Variants in CADPS observed in about 807,000 individuals in gnomAD.
The protein encoded by CADPS is calcium-dependent secretion activator 1.
Under a neutral mutation model 167.3 loss-of-function variants are expected in CADPS, and 57 were observed. The observed-to-expected ratio is 0.34, with a 90% confidence interval of 0.28 to 0.42. The LOEUF (loss-of-function observed/expected upper bound fraction) is 0.42, where lower values mean the gene tolerates loss of function less well. Among genes scored for constraint, CADPS ranks in the 20% least tolerant of loss-of-function variants. The pLI, the probability that CADPS is intolerant of heterozygous loss-of-function variation, is 1.00. For synonymous variants in CADPS, 676 were observed against 635.3 expected (o/e 1.06, Z -0.96); for missense variants, 1,414 against 1,738.1 (o/e 0.81, Z 3.32).
At chr3:62,829,896 C>T (rs181901375) in intron 1 of CADPS, among the ~76,000 whole-genome samples, 1 of 152,268 alleles carries the variant, frequency 6.6e-6, no homozygotes, top group East Asian at 1.9e-4. Flanking sequence ...TCCTACTTGA[C>T]TGTAACATTC....
intron 1 of CADPS, among the ~76,000 whole-genome samples, chr3:62,861,490 A>C (rs2080795679): frequency 6.6e-6 from 1 of 152,162 alleles, no homozygotes; most frequent in Non-Finnish European, 1.5e-5. Context: ...ATAGGCATTG[A>C]TTTTCTAAGA....
chr3:62,761,246 T>A (rs1194154910), intron 2 of CADPS, among the ~76,000 whole-genome samples: 1 of 152,156 alleles, frequency 6.6e-6, no homozygotes, highest in East Asian at 1.9e-4. Context: ...ATGATGATGA[T>A]GATGATTAGG....
chr3:62,830,179 TG>T (rs2074820620), intron 1 of CADPS, among the ~76,000 whole-genome samples: 1 of 152,210 alleles, frequency 6.6e-6, no homozygotes, highest in Admixed American at 6.5e-5. Context: ...GATGGAGGTC[TG>T]GCGCCTAGTG....
intron 3 of CADPS, among the ~76,000 whole-genome samples, chr3:62,730,198 C>T (rs778510376): frequency 5.9e-5 from 9 of 152,112 alleles, no homozygotes; most frequent in East Asian, 3.9e-4. Flanking sequence ...TCCTGACTGA[C>T]GTCACATTCC....
At chr3:62,483,202 A>C (rs1019726473) in intron 21 of CADPS, among the ~76,000 whole-genome samples, 1 of 151,494 alleles carries the variant, frequency 6.6e-6, no homozygotes, top group Admixed American at 6.6e-5. Flanking sequence ...CTTGCAGGAG[A>C]AGAGCAAGTT....
At chr3:62,506,540 C>T (rs571424453) in intron 17 of CADPS, among the ~76,000 whole-genome samples, 25 of 152,326 alleles carry the variant, frequency 1.6e-4, no homozygotes, top group Middle Eastern at 3.4e-3. Flanking sequence ...CTTTGTTCCT[C>T]GGGCTGAGCT....
At position 62,544,185 on chromosome 3, in the gene CADPS, G is replaced by T. The variant is rs7427900; in HGVS notation, c.1966+5718C>A. 6.6e-6 allele frequency among the ~76,000 whole-genome samples: 1 copy of T among 151,960 alleles called. No individual in the cohort carries two copies. The highest frequency in any genetic ancestry group is 6.6e-5 in the Admixed American group (1 of 15,238). On this transcript the variant is annotated intron_variant, in intron 11 of 29. Coordinates refer to ENST00000383710, the MANE Select transcript of CADPS (RefSeq NM_003716.4). This position sits in a 1 kb window ranked among gnomAD's most constrained non-coding sequence, Gnocchi z 4.4. Reference sequence around the variant, plus strand: ...GTGTGTGCTAGTTCCATGTATTGTAGCTCTCCTTTCAAAATTAATCCTCTA... The same window carrying T: ...GTGTGTGCTAGTTCCATGTATTGTATCTCTCCTTTCAAAATTAATCCTCTA...
chr3:62,688,438 T>C (rs1199138384), intron 3 of CADPS, among the ~76,000 whole-genome samples: 1 of 152,020 alleles, frequency 6.6e-6, no homozygotes, highest in African/African-American at 2.4e-5. Context: ...GTAGGAGATG[T>C]TGTTACTGTT....
At chr3:62,872,601 C>A (rs1231282914) in intron 1 of CADPS, among the ~76,000 whole-genome samples, 1 of 152,092 alleles carries the variant, frequency 6.6e-6, no homozygotes, top group African/African-American at 2.4e-5. Flanking sequence ...AACAGCATGC[C>A]CCTCAAAACC....
intron 6 of CADPS, among the ~76,000 whole-genome samples, chr3:62,597,412 G>A (rs906733515): frequency 1.3e-5 from 2 of 152,104 alleles, no homozygotes; most frequent in Admixed American, 1.3e-4. Flanking sequence ...CTTGGTCATG[G>A]GGAAGAGAAA....
intron 27 of CADPS, among the ~76,000 whole-genome samples, chr3:62,442,429 G>C (rs2056496196): frequency 6.6e-6 from 1 of 152,050 alleles, no homozygotes; most frequent in South Asian, 2.1e-4. Context: ...ATGTTGGCCA[G>C]GCTGGTCTTG....
intron 9 of CADPS, among the ~76,000 whole-genome samples, chr3:62,567,030 AGAAGGCTCAGTGT>A (rs964395822): frequency 6.6e-6 from 1 of 152,196 alleles, no homozygotes; most frequent in African/African-American, 2.4e-5. Flanking sequence ...TTCTCTTATT[AGAAGGCTCAGTGT>A]GAAGGCTCTA....
At chr3:62,483,818 T>C (rs1043177132) in intron 21 of CADPS, among the ~76,000 whole-genome samples, 1 of 152,056 alleles carries the variant, frequency 6.6e-6, no homozygotes, top group Non-Finnish European at 1.5e-5. Flanking sequence ...CACTGAGACA[T>C]GTGTAAGCCT....
intron 1 of CADPS, among the ~76,000 whole-genome samples, chr3:62,776,933 C>T (rs538631103): frequency 1.3e-5 from 2 of 152,192 alleles, no homozygotes; most frequent in Non-Finnish European, 2.9e-5. Context: ...GTGGGACCTT[C>T]TTGGAGGACA....
chr3:62,646,197 T>C (rs1360241048), intron 5 of CADPS, among the ~76,000 whole-genome samples: 1 of 149,268 alleles, frequency 6.7e-6, no homozygotes, highest in Non-Finnish European at 1.5e-5. Flanking sequence ...AGTCTCGCTC[T>C]GTCACCCAGG....
chr3:62,862,780 T>C (rs1477997285), intron 1 of CADPS, among the ~76,000 whole-genome samples: 12 of 152,240 alleles, frequency 7.9e-5, no homozygotes, highest in African/African-American at 2.9e-4. Context: ...AAGTCTAAAA[T>C]GGCCCAGGCC....
Position 62,499,263 on chromosome 3 carries a change from C to A in CADPS, c.2605G>T (p.Val869Leu), listed in dbSNP as rs1372604239. ...TTGGCAGGAGTGATTAACCGGCCTA[C>A]ATTTTCTGTAGTACAAGAGTTTGTG... Reference protein sequence around the residue: ...IEENQKDAENVGRLITPAKKL... With the variant: ...IEENQKDAENLGRLITPAKKL... Residue 869 changes from valine to leucine, a missense_variant, in exon 18 of 30, where the codon GTA (valine) becomes TTA (leucine). Physicochemically the swap from Val to Leu is conservative, Grantham distance 32. This residue lies in a region of CADPS where 529 missense variants were observed against 629.6 expected (regional missense o/e 0.84). Coordinates refer to ENST00000383710, the MANE Select transcript of CADPS (RefSeq NM_003716.4). 6.2e-7 allele frequency: 1 copy of A among 1,607,584 alleles called. No individual in the cohort carries two copies. Among genetic ancestry groups the A allele is most frequent in the East Asian group, 2.2e-5 (1 of 44,820 alleles).
At chr3:62,706,386 C>T (rs2082308461) in intron 3 of CADPS, among the ~76,000 whole-genome samples, 1 of 152,104 alleles carries the variant, frequency 6.6e-6, no homozygotes, top group African/African-American at 2.4e-5. Context: ...TGATCACGGA[C>T]TTTGCAGTAG....
chr3:62,816,984 T>A (rs1011366530), intron 1 of CADPS, among the ~76,000 whole-genome samples: 6 of 152,082 alleles, frequency 3.9e-5, no homozygotes, highest in African/African-American at 1.4e-4. Context: ...TTGGCCTTTC[T>A]CCACCTCAAC....
Sources: allele counts gnomAD v4.1 joint callset (sites outside exome capture counted in the v4.1 genomes callset), GRCh38; gene constraint gnomAD v4.1.1; regional missense constraint gnomAD v4.1.1; non-coding constraint Gnocchi (gnomAD v3.1); transcripts MANE v1.5; gene names NCBI Gene and HGNC (gene_info 2026-07-23, HGNC 2026-07-21).